Variants in SPATA33 observed in about 807,000 individuals in gnomAD.
SPATA33 encodes spermatogenesis associated 33.
In SPATA33, 10 loss-of-function variants were observed where a neutral mutation model predicts 8.9. The ratio of observed to expected loss-of-function variants is 1.12; its 90% CI spans 0.69 to 1.90. The LOEUF is 1.90. SPATA33 is among the 40% of genes most tolerant of loss of function. SPATA33 has a pLI of 0.00. For missense variants in SPATA33, 241 were observed against 178.3 expected (o/e 1.35, Z -2.00); for synonymous variants, 96 against 72.8 (o/e 1.32, Z -1.63).
At chr16:89,658,936 G>C (rs2059925855) in intron 2 of SPATA33, 1 of 154,856 alleles carries the variant, frequency 6.5e-6, no homozygotes, top group Non-Finnish European at 1.4e-5. Flanking sequence ...GGCCCCAAAA[G>C]TAGGAAGAAG....
intron 1 of SPATA33, 135 bp from the exon 2 acceptor site, chr16:89,658,113 G>C: frequency 6.6e-7 from 1 of 1,506,482 alleles, no homozygotes; most frequent in Non-Finnish European, 8.8e-7. Flanking sequence ...TCCCGCCTGA[G>C]GCGGTTACGG....
chr16:89,666,798 G>A (rs4785702), intron 2 of SPATA33, among the ~76,000 whole-genome samples: 11,421 of 152,280 alleles, frequency 0.075, 552 homozygotes, highest in Admixed American at 0.12. Context: ...TGGACAGGGG[G>A]CCCTTCCCTG....
intron 2 of SPATA33, chr16:89,659,124 C>T (rs1020004410): frequency 1.3e-5 from 2 of 148,418 alleles, no homozygotes; most frequent in African/African-American, 4.9e-5. Flanking sequence ...CATAGTGAGA[C>T]CCTGTCTCTA....
At chr16:89,664,367 C>T (rs938416349) in intron 2 of SPATA33, among the ~76,000 whole-genome samples, 4 of 152,186 alleles carry the variant, frequency 2.6e-5, no homozygotes, top group African/African-American at 4.8e-5. Context: ...ACAGCCCACA[C>T]GATCCCTGCC....
At chr16:89,664,980 A>G (rs1018144851) in intron 2 of SPATA33, among the ~76,000 whole-genome samples, 3 of 152,218 alleles carry the variant, frequency 2.0e-5, no homozygotes, top group Non-Finnish European at 4.4e-5. Flanking sequence ...ATATGTACCA[A>G]GAACCTTGAG....
chr16:89,660,384 A>C, intron 2 of SPATA33: 1 of 983,642 alleles, frequency 1.0e-6, no homozygotes, highest in Non-Finnish European at 1.3e-6. Flanking sequence ...CCAGTAACGG[A>C]AGTGGGGGAA....
At chr16:89,661,796 G>A (rs1027639750) in intron 2 of SPATA33, among the ~76,000 whole-genome samples, 2 of 152,094 alleles carry the variant, frequency 1.3e-5, no homozygotes, top group Non-Finnish European at 2.9e-5. Flanking sequence ...AGTCAGATGG[G>A]GTATCTGAGG....
chr16:89,667,292 C>T (rs1277746739), intron 2 of SPATA33, among the ~76,000 whole-genome samples: 2 of 152,206 alleles, frequency 1.3e-5, no homozygotes, highest in Non-Finnish European at 2.9e-5. Flanking sequence ...CACCATGTCC[C>T]CCCAGCTCCT....
At chr16:89,666,988 G>A (rs184394617) in intron 2 of SPATA33, among the ~76,000 whole-genome samples, 1 of 152,354 alleles carries the variant, frequency 6.6e-6, no homozygotes, top group East Asian at 1.9e-4. Flanking sequence ...CAGCATCACA[G>A]GGAGACGATT....
intron 2 of SPATA33, among the ~76,000 whole-genome samples, chr16:89,665,962 G>A (rs1420604892): frequency 1.3e-5 from 2 of 152,018 alleles, no homozygotes; most frequent in Admixed American, 6.6e-5. Context: ...TGCCTGTAGT[G>A]CCAGCTACTT....
chr16:89,665,210 G>C (rs1318943769), intron 2 of SPATA33, among the ~76,000 whole-genome samples: 3 of 152,152 alleles, frequency 2.0e-5, no homozygotes, highest in Non-Finnish European at 2.9e-5. Flanking sequence ...GCCCAGGCTG[G>C]TCTCGAACTC....
chr16:89,658,493 C>T (rs1314501053), intron 2 of SPATA33, 72 bp downstream of exon 2: 4 of 1,517,412 alleles, frequency 2.6e-6, no homozygotes, highest in Admixed American at 2.2e-5. Flanking sequence ...GAGGAGCCTA[C>T]TGTAAGACCC....
At chr16:89,667,659 C>T (rs548847880) in intron 2 of SPATA33, among the ~76,000 whole-genome samples, 274 of 152,250 alleles carry the variant, frequency 1.8e-3, no homozygotes, top group Middle Eastern at 3.4e-3. Context: ...CTTCAAGATC[C>T]TGTCTCAAAA....
intron 2 of SPATA33, chr16:89,661,137 G>A: frequency 1.0e-6 from 1 of 985,480 alleles, no homozygotes; most frequent in African/African-American, 1.7e-5. Flanking sequence ...GCAGTAGTGA[G>A]AAGAACAGAA....
At chr16:89,658,542 A>G in intron 2 of SPATA33, 121 bp downstream of exon 2, 1 of 1,331,996 alleles carries the variant, frequency 7.5e-7, no homozygotes. Context: ...CGCCGTAAAG[A>G]TGAAACTGGT....
At chr16:89,658,010 G>A in intron 1 of SPATA33, 62 bp downstream of exon 1, 1 of 1,488,806 alleles carries the variant, frequency 6.7e-7, no homozygotes, top group Non-Finnish European at 8.8e-7. Context: ...GCCCAGGGCG[G>A]GGCTGGGCTG....
At chr16:89,665,684 C>T (rs2060017468) in intron 2 of SPATA33, among the ~76,000 whole-genome samples, 1 of 152,096 alleles carries the variant, frequency 6.6e-6, no homozygotes, top group Admixed American at 6.6e-5. Flanking sequence ...TAGAAAATTT[C>T]AATAGTGTAA....
rs777496179 is a variant in SPATA33 at position 89,669,318 on chromosome 16, A to T, written c.244A>T (p.Lys82Ter). 1 of 1,614,196 alleles carries T rather than the reference A, an allele frequency of 6.2e-7. No individual in the cohort carries two copies. The highest frequency in any genetic ancestry group is 1.1e-5 in the South Asian group (1 of 91,086). The change falls in exon 3 of 3, where the codon AAG becomes TAG. Residue 82 changes from lysine (K) to a stop codon, truncating the protein, a stop_gained. Coordinates refer to ENST00000579310, the MANE Select transcript of SPATA33 (RefSeq NM_001271907.2). LOFTEE classifies it low-confidence loss of function (END_TRUNC). ...KPDVKQKSSR[K>*]KVVVPQIIIT... ...TGATGTAAAGCAAAAGTCCAGCAGG[A>T]AGAAAGTGGTCGTTCCACAGATCAT...
Position 89,658,406 on chromosome 16 carries a change from G to T in SPATA33, c.196G>T (p.Ala66Ser), listed in dbSNP as rs758269275. ...CGGGACAGCCAAGCACCCGCCGCCGGCAGCTTCGCTGGAAGGTAGGAGACG... is the reference window on the plus strand; with the variant it reads ...CGGGACAGCCAAGCACCCGCCGCCGTCAGCTTCGCTGGAAGGTAGGAGACG... ...GAGTAKHPPP[A>S]ASLEEKPDVK... Residue 66 changes from alanine to serine, a missense_variant, in exon 2 of 3, where the codon GCA becomes TCA. Physicochemically the swap from Ala to Ser is moderately conservative, Grantham distance 99. Transcript: ENST00000579310. 6 of 1,609,630 alleles carry T rather than the reference G, an allele frequency of 3.7e-6. No homozygotes were observed. The highest frequency in any genetic ancestry group is 1.7e-6 in the Non-Finnish European group (2 of 1,178,608).
Sources: allele counts gnomAD v4.1 joint callset (sites outside exome capture counted in the v4.1 genomes callset), GRCh38; gene constraint gnomAD v4.1.1; transcripts MANE v1.5; gene names NCBI Gene and HGNC (gene_info 2026-07-23, HGNC 2026-07-21).